Variants in FANCA observed in about 807,000 individuals in gnomAD.
FANCA encodes Fanconi anemia group A protein.
A neutral mutation model predicts 194.3 loss-of-function variants in FANCA; 236 were observed. The observed-to-expected ratio is 1.21, with a 90% CI of 1.09 to 1.35. The LOEUF is 1.35. Ranked by LOEUF, FANCA falls within the 40% of genes most tolerant of loss-of-function variation. The pLI, the probability that FANCA is intolerant of heterozygous loss-of-function variation, is 0.00. For missense variants in FANCA, 2,628 were observed against 1,813.9 expected, an observed-to-expected ratio of 1.45 and a Z score of -8.15; for synonymous variants, 1,014 against 715.8, an observed-to-expected ratio of 1.42 and a Z score of -6.65.
intron 14 of FANCA, among the ~76,000 whole-genome samples, chr16:89,787,903 T>C (rs912345875): frequency 6.6e-5 from 10 of 151,942 alleles, no homozygotes; most frequent in Admixed American, 1.3e-4. Context: ...AGACGGGGTC[T>C]TGCTCCATTG....
rs774576283 is a variant in FANCA at position 89,739,489 on chromosome 16, G to T, written c.3999C>A (p.Phe1333Leu). The T allele has an allele frequency of 1.1e-5, 17 of 1,551,316 alleles. No individual in the cohort carries two copies. Among genetic ancestry groups the T allele is most frequent in the Non-Finnish European group, 1.5e-5 (17 of 1,147,268 alleles). ...APDQHTRLLP[F>L]AFYSLLSYFH... ...GTGGGTGGAGGTACCTGTAAAAAGC[G>T]AAAGGCAGCAGCCTGGTGTGCTGAT... Residue 1333 changes from phenylalanine to leucine, a missense_variant, in exon 40 of 43, where the codon TTC becomes TTA. Phe to Leu is a conservative substitution (Grantham distance 22, BLOSUM62 0). Transcript: ENST00000389301.
At chr16:89,759,349 A>AAAAAAAAG (rs1386463570) in intron 29 of FANCA, among the ~76,000 whole-genome samples, 20 of 139,534 alleles carry the variant, frequency 1.4e-4, no homozygotes, top group Non-Finnish European at 2.5e-4. Flanking sequence ...AAAAAAAAAA[A>AAAAAAAAG]GTAGCCTGGA....
At chr16:89,760,648 G>C (rs1037864767) in intron 29 of FANCA, among the ~76,000 whole-genome samples, 1 of 152,096 alleles carries the variant, frequency 6.6e-6, no homozygotes, top group African/African-American at 2.4e-5. Context: ...AGCACATCTG[G>C]CCTCTCAAAT....
rs2143225154 is a variant in FANCA, at chr16:89,758,666, G to C, written c.2892C>G (p.Leu964=). The C allele has an allele frequency of 6.2e-7, 1 of 1,614,048 alleles. No homozygotes were observed. The highest frequency in any genetic ancestry group is 8.5e-7 in the Non-Finnish European group (1 of 1,179,934). The part of the protein sequence containing the change: ...FHQWAIHEHF[L]PESSASGGCD... ...AGCCCCCTGAAGCCGAGGACTCAGG[G>C]AGAAAGTGCTCATGGATCGCCCACT... Residue 964 remains leucine (L), a synonymous_variant, in exon 30 of 43, where the codon CTC becomes CTG. Transcript: ENST00000389301.
intron 17 of FANCA, among the ~76,000 whole-genome samples, chr16:89,782,589 G>A (rs2039757196): frequency 6.6e-6 from 1 of 151,910 alleles, no homozygotes; most frequent in African/African-American, 2.4e-5. Context: ...AACCCCACAG[G>A]AACCAAGATC....
chr16:89,802,308 G>T (rs1165024998), intron 8 of FANCA, among the ~76,000 whole-genome samples: 1 of 149,956 alleles, frequency 6.7e-6, no homozygotes, highest in Non-Finnish European at 1.5e-5. Flanking sequence ...TCACCATGTT[G>T]GTCAGGCTGG....
intron 22 of FANCA, among the ~76,000 whole-genome samples, 188 bp downstream of exon 22, chr16:89,773,083 T>G (rs1181764250): frequency 1.3e-5 from 2 of 152,138 alleles, no homozygotes; most frequent in African/African-American, 4.8e-5. Context: ...ACAGCTTCAG[T>G]AGGACTAGCC....
chr16:89,739,500 G>T lies in FANCA; in HGVS notation c.3988C>A (p.Leu1330Met). The stretch of plus-strand genomic sequence containing the variant: ...TACCTGTAAAAAGCGAAAGGCAGCA[G>T]CCTGGTGTGCTGATCCGGGGCCACA... The part of the protein sequence containing the change: ...LRVAPDQHTR[L>M]LPFAFYSLLS... The change falls in exon 40 of 43, where the codon CTG (leucine) becomes ATG (methionine). Residue 1330 changes from leucine to methionine, a missense_variant. Leu to Met is a conservative substitution (Grantham distance 15). Transcript: ENST00000389301. 1 of 1,551,362 alleles carries T rather than the reference G, an allele frequency of 6.4e-7. No homozygotes were observed.
rs761988162 is a variant in FANCA at position 89,739,290 on chromosome 16, C to T, written c.4011-1G>A. 1 of 1,614,138 alleles carries T rather than the reference C, an allele frequency of 6.2e-7. No homozygotes were observed. Reference sequence around the variant, plus strand: ...GTCTTCATGGAAGTAGGAGAGAAGACTAGAGGTAAAGACATAGTGACAAAT... The same window carrying T: ...GTCTTCATGGAAGTAGGAGAGAAGATTAGAGGTAAAGACATAGTGACAAAT... On this transcript the variant is annotated splice_acceptor_variant, in intron 40 of 42. Transcript: ENST00000389301. LOFTEE classifies it high-confidence loss of function.
rs1226994862 is a variant in FANCA, at chr16:89,805,377, A to G, written c.612T>C (p.His204=). The change falls in exon 7 of 43, where the codon CAT becomes CAC. Residue 204 remains histidine (H), a synonymous_variant. Coordinates refer to ENST00000389301, the MANE Select transcript of FANCA (RefSeq NM_000135.4). Reference sequence around the variant, plus strand: ...TCCTGAAGAGCCACGATCCCACAGCATGCATGTCGGGATGGCTGGAGACAC... The same window carrying G: ...TCCTGAAGAGCCACGATCCCACAGCGTGCATGTCGGGATGGCTGGAGACAC... The part of the protein sequence containing the change: ...QELLESHPDM[H]AVGSWLFRNL... 1.9e-6 allele frequency: 3 copies of G among 1,613,446 alleles called. No homozygotes were observed. In the Admixed American group the frequency reaches 5.0e-5, roughly 27 times the overall value.
intron 18 of FANCA, among the ~76,000 whole-genome samples, chr16:89,779,257 C>G (rs1428079877): frequency 6.6e-6 from 1 of 152,170 alleles, no homozygotes. Context: ...CTGGATCAAT[C>G]TGAGGCCACG....
intron 35 of FANCA, among the ~76,000 whole-genome samples, chr16:89,745,487 C>G (rs74327966): frequency 7.2e-5 from 10 of 138,268 alleles, no homozygotes; most frequent in South Asian, 2.4e-4. Flanking sequence ...GGACCACACT[C>G]CTCTGAGCTG....
At chr16:89,796,966 G>A (rs1173611194) in intron 10 of FANCA, among the ~76,000 whole-genome samples, 4 of 151,862 alleles carry the variant, frequency 2.6e-5, no homozygotes, top group Non-Finnish European at 4.4e-5. Flanking sequence ...AGACCATCCC[G>A]GCCAACCCAA....
At chr16:89,771,172 A>AAAAAAAAAAAAAAAAAAAAAAAAAC in intron 23 of FANCA, among the ~76,000 whole-genome samples, 1 of 151,734 alleles carries the variant, frequency 6.6e-6, no homozygotes, top group African/African-American at 2.4e-5. Flanking sequence ...AAAAAAAAAA[A>AAAAAAAAAAAAAAAAAAAAAAAAAC]AAGAGGCCAA....
intron 18 of FANCA, 134 bp downstream of exon 18, chr16:89,779,735 A>G (rs549002581): frequency 2.1e-5 from 16 of 776,336 alleles, no homozygotes; most frequent in Admixed American, 4.0e-5. Flanking sequence ...AAAGAGCCCC[A>G]GACGCTGGCA....
chr16:89,806,582 T>G (rs1406536866), intron 6 of FANCA, among the ~76,000 whole-genome samples: 2 of 151,912 alleles, frequency 1.3e-5, no homozygotes, highest in Admixed American at 6.6e-5. Context: ...AAGCATCTGT[T>G]TAACAAAGCA....
In FANCA at chr16:89,761,989, C is replaced by G. The variant is rs376106733; in HGVS notation, c.2812G>C (p.Glu938Gln). The G allele has an allele frequency of 4.3e-6, 7 of 1,613,970 alleles. No homozygotes were observed. Among genetic ancestry groups the G allele is most frequent in the Non-Finnish European group, 5.1e-6 (6 of 1,179,972 alleles). The change falls in exon 29 of 43, where the codon GAA becomes CAA. Residue 938 changes from glutamate (E) to glutamine (Q), a missense_variant. Glu to Gln is a conservative substitution (Grantham distance 29, BLOSUM62 2). Coordinates refer to ENST00000389301, the MANE Select transcript of FANCA (RefSeq NM_000135.4). ...TYQDWLHLEL[E>Q]IQPEADALSD... ...AGAGCATCAGCTTCAGGTTGAATTT[C>G]CAGCTCCAGGTGTAACCAGTCTTGG... is the stretch of plus-strand genomic sequence containing the variant.
In FANCA at chr16:89,737,927, CT is replaced by C. The variant is rs17233826; in HGVS notation, c.*673del. 0.44 allele frequency: 707,464 copies of C among 1,613,436 alleles called. 166,587 individuals carry two copies. The highest frequency in any genetic ancestry group is 0.97 in the East Asian group (43,486 of 44,834). On this transcript the variant is annotated 3_prime_UTR_variant, in exon 43 of 43. Transcript: ENST00000389301. ...TGCAGTAAGTGTGAGTCAGGACCCC[CT>C]CCCAGGGCTGTGGCCCTCGCACCTT...
In FANCA at chr16:89,775,788, G is replaced by A. The variant is rs747994845; in HGVS notation, c.1854C>T (p.Tyr618=). 4 of 1,612,626 alleles carry A rather than the reference G, an allele frequency of 2.5e-6. No homozygotes were observed. The highest frequency in any genetic ancestry group is 1.7e-6 in the Non-Finnish European group (2 of 1,179,344). Residue 618 remains tyrosine, a synonymous_variant, in exon 21 of 43, where the codon TAC becomes TAT. Coordinates refer to ENST00000389301, the MANE Select transcript of FANCA (RefSeq NM_000135.4). ...CAGAGCAGGCCTGGCAGTAGGTGGAGTACAGAGATGGGGGGATTTTATCTG... is the reference window on the plus strand; with the variant it reads ...CAGAGCAGGCCTGGCAGTAGGTGGAATACAGAGATGGGGGGATTTTATCTG... ...KRADKIPPSL[Y]STYCQACSAA... is the part of the protein sequence containing the mutation.
Sources: allele counts gnomAD v4.1 joint callset (sites outside exome capture counted in the v4.1 genomes callset), GRCh38; gene constraint gnomAD v4.1.1; transcripts MANE v1.5; gene names NCBI Gene and HGNC (gene_info 2026-07-23, HGNC 2026-07-21).